The following GRM1 variants were observed in gnomAD, a reference collection of about 807,000 sequenced individuals.
GRM1 encodes the protein metabotropic glutamate receptor 1.
Under a neutral mutation model 90.9 loss-of-function variants are expected in GRM1, and 33 were observed. The ratio of observed to expected loss-of-function variants is 0.36; its 90% CI spans 0.28 to 0.49. GRM1 has a LOEUF of 0.49. Ranked by LOEUF, GRM1 falls within the 20% of genes least tolerant of loss-of-function variation. GRM1 has a pLI of 0.99. For missense variants in GRM1, 1,190 were observed against 1,534.3 expected (o/e 0.78, Z 3.75); for synonymous variants, 700 against 613.2 (o/e 1.14, Z -2.09).
chr6:146,050,223 C>T (rs925074598), intron 1 of GRM1, among the ~76,000 whole-genome samples: 10 of 152,008 alleles, frequency 6.6e-5, no homozygotes, highest in Non-Finnish European at 1.5e-4. Context: ...TAGCCCAACT[C>T]ATTACCAATT....
intron 2 of GRM1, among the ~76,000 whole-genome samples, chr6:146,188,931 C>T (rs1393231248): frequency 6.6e-6 from 1 of 152,178 alleles, no homozygotes; most frequent in African/African-American, 2.4e-5. Flanking sequence ...TGTTGATTCA[C>T]AATCCAATTG....
Position 146,397,678 on chromosome 6 carries a change from C to T in GRM1, c.1730-1091C>T, listed in dbSNP as rs149696540. Reference sequence around the variant, plus strand: ...CTGGTTGACATCACCTGTAGCAATACGATTACTCACATGAGACTGTTGATT... The same window carrying T: ...CTGGTTGACATCACCTGTAGCAATATGATTACTCACATGAGACTGTTGATT... On this transcript the variant is annotated intron_variant, in intron 6 of 7. Coordinates refer to ENST00000282753, the MANE Select transcript of GRM1 (RefSeq NM_001278064.2). Among the ~76,000 whole-genome samples the T allele has an allele frequency of 5.6e-3, 855 of 152,112 alleles. 6 individuals are homozygous for T. The highest frequency in any genetic ancestry group is 7.6e-3 in the Non-Finnish European group (519 of 68,000).
chr6:146,269,070 A>G (rs1471286831), intron 2 of GRM1, among the ~76,000 whole-genome samples: 5 of 152,248 alleles, frequency 3.3e-5, no homozygotes, highest in African/African-American at 1.2e-4. Flanking sequence ...ATCAGTAAGT[A>G]CAGAAAAACC....
intron 1 of GRM1, among the ~76,000 whole-genome samples, chr6:146,113,787 A>T (rs1485466295): frequency 6.6e-6 from 1 of 152,184 alleles, no homozygotes; most frequent in Non-Finnish European, 1.5e-5. Flanking sequence ...TTTCTCTCAG[A>T]GGTATTGTGA....
chr6:146,068,776 A>C (rs1775935826), intron 1 of GRM1, among the ~76,000 whole-genome samples: 1 of 152,174 alleles, frequency 6.6e-6, no homozygotes, highest in Non-Finnish European at 1.5e-5. Flanking sequence ...AAGTAGCTAA[A>C]TGCTACTTTG....
At chr6:146,122,334 G>A (rs780512923) in intron 1 of GRM1, among the ~76,000 whole-genome samples, 154 of 151,726 alleles carry the variant, frequency 1.0e-3, no homozygotes, top group Middle Eastern at 6.8e-3. Context: ...CCTTATCTTT[G>A]GAGTTTTCAA....
chr6:146,225,164 A>G (rs1780196534), intron 2 of GRM1, among the ~76,000 whole-genome samples: 2 of 152,142 alleles, frequency 1.3e-5, no homozygotes, highest in African/African-American at 4.8e-5. Flanking sequence ...CGGGAATCAC[A>G]GTGGCTTTGA....
At chr6:146,223,810 G>C (rs1293696397) in intron 2 of GRM1, among the ~76,000 whole-genome samples, 1 of 152,016 alleles carries the variant, frequency 6.6e-6, no homozygotes, top group Non-Finnish European at 1.5e-5. Context: ...TGCACATTCT[G>C]ATATTCTTTC....
chr6:146,301,422 T>C (rs1453333561), intron 2 of GRM1, among the ~76,000 whole-genome samples: 1 of 152,218 alleles, frequency 6.6e-6, no homozygotes, highest in African/African-American at 2.4e-5. Context: ...TCTCTCCTTC[T>C]AGAATTGACA....
At chr6:146,219,799 G>C (rs957194093) in intron 2 of GRM1, among the ~76,000 whole-genome samples, 3 of 152,056 alleles carry the variant, frequency 2.0e-5, no homozygotes, top group African/African-American at 7.2e-5. Flanking sequence ...GGCTTTCTTT[G>C]GGGAAGAATA....
intron 7 of GRM1, among the ~76,000 whole-genome samples, chr6:146,404,215 T>C (rs982875426): frequency 6.6e-6 from 1 of 152,162 alleles, no homozygotes; most frequent in Non-Finnish European, 1.5e-5. Flanking sequence ...TACTGGATAG[T>C]AATATTTATT....
intron 7 of GRM1, among the ~76,000 whole-genome samples, chr6:146,408,883 G>C (rs751178812): frequency 2.0e-5 from 3 of 152,140 alleles, no homozygotes; most frequent in Non-Finnish European, 4.4e-5. Context: ...GAAGCAGACT[G>C]TGTGAACGTG....
intron 3 of GRM1, among the ~76,000 whole-genome samples, chr6:146,340,254 T>A (rs1784921952): frequency 6.6e-6 from 1 of 152,234 alleles, no homozygotes; most frequent in African/African-American, 2.4e-5. Flanking sequence ...TCCCTGGTTT[T>A]TCTTTCTTAA....
chr6:146,364,472 C>G (rs766687283), intron 5 of GRM1, among the ~76,000 whole-genome samples: 8 of 152,314 alleles, frequency 5.3e-5, no homozygotes, highest in East Asian at 3.9e-4. Context: ...CTCCAGCCAG[C>G]CCAGCTGGCT....
chr6:146,378,248 G>A (rs1020026134), intron 5 of GRM1, among the ~76,000 whole-genome samples: 1 of 152,186 alleles, frequency 6.6e-6, no homozygotes, highest in Non-Finnish European at 1.5e-5. Flanking sequence ...GCACTGCCTA[G>A]TGGAGCTGTA....
In GRM1 at chr6:146,260,804, G is replaced by GTTTTTTTTTTTT. The variant is rs56956724; in HGVS notation, c.951-43785_951-43774dup. ...CCCATTTTTTAATTAGGTTATTTGGGTTTTTTTTTTTTTTTTTTTTTTTTT... is the reference window on the plus strand; with the variant it reads ...CCCATTTTTTAATTAGGTTATTTGGGTTTTTTTTTTTTTTTTTTTTTTTTTTTTTTTTTTTTT... On this transcript the variant is annotated intron_variant, in intron 2 of 7. Coordinates refer to ENST00000282753, the MANE Select transcript of GRM1 (RefSeq NM_001278064.2). Among the ~76,000 whole-genome samples, 24 of 22,738 alleles carry GTTTTTTTTTTTT rather than the reference G, an allele frequency of 1.1e-3. 2 individuals carry two copies. The highest frequency in any genetic ancestry group is 3.6e-3 in the African/African-American group (21 of 5,914). The allele number at this position is 22,738 out of a possible 152,430, so 14.9% of individuals were successfully genotyped here.
At chr6:146,283,398 G>C (rs1326162956) in intron 2 of GRM1, among the ~76,000 whole-genome samples, 1 of 152,118 alleles carries the variant, frequency 6.6e-6, no homozygotes, top group Non-Finnish European at 1.5e-5. Flanking sequence ...AGTTATTTAG[G>C]AAAACATCGG....
At position 146,077,666 on chromosome 6, in the gene GRM1, G is replaced by A. The variant is rs76704230; in HGVS notation, c.700+47449G>A. 1.8e-3 allele frequency among the ~76,000 whole-genome samples: 270 copies of A among 152,298 alleles called. 2 individuals carry two copies. The highest frequency in any genetic ancestry group is 6.3e-3 in the African/African-American group (262 of 41,558). On this transcript the variant is annotated intron_variant, in intron 1 of 7. Coordinates refer to ENST00000282753, the MANE Select transcript of GRM1 (RefSeq NM_001278064.2). Reference sequence around the variant, plus strand: ...ATTTTTTATCTGGATAGTGAAGGGGGAAAATCTTACTTAGTGTTTATTACC... The same window carrying A: ...ATTTTTTATCTGGATAGTGAAGGGGAAAAATCTTACTTAGTGTTTATTACC...
chr6:146,394,634 T>A (rs531657199), intron 6 of GRM1, among the ~76,000 whole-genome samples: 1 of 152,218 alleles, frequency 6.6e-6, no homozygotes, highest in East Asian at 1.9e-4. Context: ...AATGATGAGG[T>A]CATGAATAAA....
Sources: gnomAD v4.1 joint callset for allele counts (sites outside exome capture counted in the v4.1 genomes callset) on GRCh38, gnomAD v4.1.1 for gene constraint, MANE v1.5 for transcripts, NCBI Gene and HGNC (gene_info 2026-07-23, HGNC 2026-07-21) for gene names.